The following UNC5D variants were observed in gnomAD, a reference collection of about 807,000 sequenced individuals.
The protein encoded by UNC5D is netrin receptor UNC5D.
Under a neutral mutation model 105.4 loss-of-function variants are expected in UNC5D, and 39 were observed. That is an observed-to-expected ratio of 0.37 (90% CI 0.29 to 0.48). The LOEUF is 0.48. UNC5D is among the 20% of genes least tolerant of loss of function. The probability of loss-of-function intolerance (pLI) is 0.98; values close to 1 mark genes in which losing one functional copy is unlikely to be tolerated. For missense variants in UNC5D, 991 were observed against 1,202.4 expected, an observed-to-expected ratio of 0.82 and a Z score of 2.60; for synonymous variants, 452 against 450.4, an observed-to-expected ratio of 1.00 and a Z score of -0.04.
chr8:35,533,902 G>A (rs1238144906), intron 1 of UNC5D, among the ~76,000 whole-genome samples: 1 of 152,160 alleles, frequency 6.6e-6, no homozygotes, highest in Non-Finnish European at 1.5e-5. Flanking sequence ...GCCATGCTTC[G>A]GCTTGCGCAC....
chr8:35,603,660 A>T (rs1483649006), intron 4 of UNC5D, among the ~76,000 whole-genome samples: 1 of 152,112 alleles, frequency 6.6e-6, no homozygotes, highest in East Asian at 1.9e-4. Context: ...GTCTCCCATT[A>T]TTATTGTGTG....
intron 1 of UNC5D, among the ~76,000 whole-genome samples, chr8:35,283,991 A>C (rs1806395479): frequency 6.6e-6 from 1 of 152,202 alleles, no homozygotes; most frequent in African/African-American, 2.4e-5. Flanking sequence ...AAGTTTTAAC[A>C]AGAGTAATTT....
chr8:35,393,016 A>AGT (rs771747863), intron 1 of UNC5D, among the ~76,000 whole-genome samples: 124 of 151,706 alleles, frequency 8.2e-4, no homozygotes, highest in Non-Finnish European at 1.4e-3. Flanking sequence ...GGGTGATTTT[A>AGT]GGAAACCACT....
At chr8:35,291,856 G>T (rs905505779) in intron 1 of UNC5D, among the ~76,000 whole-genome samples, 13 of 152,108 alleles carry the variant, frequency 8.5e-5, no homozygotes, top group South Asian at 2.1e-4. Flanking sequence ...GATTATTTTT[G>T]ATATAAAACC....
intron 4 of UNC5D, among the ~76,000 whole-genome samples, chr8:35,608,146 C>T (rs1563586233): frequency 6.6e-6 from 1 of 152,214 alleles, no homozygotes; most frequent in Non-Finnish European, 1.5e-5. Context: ...TAGCCCAGTA[C>T]ACTTCCGATT....
At chr8:35,396,807 C>CTT (rs778664487) in intron 1 of UNC5D, among the ~76,000 whole-genome samples, 52 of 122,804 alleles carry the variant, frequency 4.2e-4, no homozygotes, top group African/African-American at 1.3e-3. Flanking sequence ...CCCAAGGTGG[C>CTT]TTTTTTTTTT....
intron 1 of UNC5D, among the ~76,000 whole-genome samples, chr8:35,260,629 A>G (rs1804424315): frequency 6.6e-6 from 1 of 151,952 alleles, no homozygotes; most frequent in Non-Finnish European, 1.5e-5. Context: ...ATACCGAGCT[A>G]ATTGTTTGTA....
intron 7 of UNC5D, among the ~76,000 whole-genome samples, chr8:35,693,328 C>T (rs958264401): frequency 3.9e-5 from 6 of 152,104 alleles, no homozygotes; most frequent in Admixed American, 6.5e-5. Context: ...ATTACCGTAA[C>T]GCTTCTCCCT....
intron 1 of UNC5D, among the ~76,000 whole-genome samples, chr8:35,540,283 A>G (rs1159786683): frequency 6.6e-6 from 1 of 152,102 alleles, no homozygotes; most frequent in Non-Finnish European, 1.5e-5. Flanking sequence ...AATTGTTATA[A>G]ATCTTATAAT....
chr8:35,667,807 C>G (rs1393781833), intron 4 of UNC5D, among the ~76,000 whole-genome samples: 8 of 152,096 alleles, frequency 5.3e-5, no homozygotes, highest in Non-Finnish European at 7.4e-5. Flanking sequence ...TTGATGGTTG[C>G]ATAGTATTTC....
intron 3 of UNC5D, among the ~76,000 whole-genome samples, chr8:35,573,835 C>T (rs955576238): frequency 3.3e-5 from 5 of 152,088 alleles, no homozygotes; most frequent in African/African-American, 7.2e-5. Flanking sequence ...CACACTGTGT[C>T]AGGAAGATGT....
chr8:35,495,404 G>A (rs959403189), intron 1 of UNC5D, among the ~76,000 whole-genome samples: 12 of 134,346 alleles, frequency 8.9e-5, no homozygotes, highest in Admixed American at 2.6e-4. Context: ...AAGAAGGATT[G>A]TCTTGGGCCA....
intron 7 of UNC5D, among the ~76,000 whole-genome samples, chr8:35,696,800 T>C (rs1826812716): frequency 6.6e-6 from 1 of 152,174 alleles, no homozygotes; most frequent in Admixed American, 6.5e-5. Flanking sequence ...AACCCTGCCC[T>C]TCCCCATTCT....
intron 11 of UNC5D, among the ~76,000 whole-genome samples, chr8:35,734,618 C>A (rs7013001): frequency 0.096 from 14,583 of 151,926 alleles, 2,024 homozygotes; most frequent in African/African-American, 0.31. Context: ...CTATGTTGGT[C>A]AGGCTGGTCT....
At chr8:35,538,411 A>ATATATATATATATG (rs1815019355) in intron 1 of UNC5D, among the ~76,000 whole-genome samples, 1 of 49,158 alleles carries the variant, frequency 2.0e-5, no homozygotes, top group Non-Finnish European at 3.4e-5. Context: ...ATATATATAT[A>ATATATATATATATG]TATATATATA....
intron 1 of UNC5D, among the ~76,000 whole-genome samples, chr8:35,488,828 C>T (rs1392752916): frequency 6.6e-6 from 1 of 152,186 alleles, no homozygotes; most frequent in African/African-American, 2.4e-5. Flanking sequence ...GGATGAATCA[C>T]ACTTCAGTTC....
At chr8:35,423,089 G>C (rs1365886947) in intron 1 of UNC5D, among the ~76,000 whole-genome samples, 1 of 152,200 alleles carries the variant, frequency 6.6e-6, no homozygotes. Context: ...TTTTGCTTTT[G>C]AGAAGCAGCT....
chr8:35,335,802 C>T lies in UNC5D; in HGVS notation c.103+99915C>T, dbSNP rs552285193. ...TTTTTGAGACGGAGTGTCGCTCTGT[C>T]GCCCAGGCTGGAGTGCAGTGGCACG... On this transcript the variant is annotated intron_variant, in intron 1 of 16. Transcript: ENST00000404895. Among the ~76,000 whole-genome samples the T allele has an allele frequency of 4.2e-5, 5 of 117,916 alleles. 1 individual carries two copies. The highest frequency in any genetic ancestry group is 1.6e-4 in the African/African-American group (5 of 30,414). The allele number at this position is 117,916 out of a possible 152,430, so 77.4% of individuals were successfully genotyped here.
At position 35,272,661 on chromosome 8, in the gene UNC5D, G is replaced by A. The variant is rs547822505; in HGVS notation, c.103+36774G>A. 2.5e-4 allele frequency among the ~76,000 whole-genome samples: 38 copies of A among 152,272 alleles called. No homozygotes were observed. In the South Asian group the frequency reaches 5.2e-3, roughly 21 times the overall value. ...CTTTCTACACTGTGCACCAGCTGCC[G>A]CAGTGCTCCTTAGTGGACTCAGGGG... is the stretch of plus-strand genomic sequence containing the variant. On this transcript the variant is annotated intron_variant, in intron 1 of 16. Transcript: ENST00000404895.
Sources: allele counts gnomAD v4.1 joint callset (sites outside exome capture counted in the v4.1 genomes callset), GRCh38; gene constraint gnomAD v4.1.1; transcripts MANE v1.5; gene names NCBI Gene and HGNC (gene_info 2026-07-23, HGNC 2026-07-21).